The following LIN28B variants were observed in gnomAD, a reference collection of about 807,000 sequenced individuals.
LIN28B encodes protein lin-28 homolog B.
LIN28B carries 5 observed loss-of-function variants against 21.9 expected under a neutral mutation model. The observed-to-expected ratio is 0.23, with a 90% CI of 0.12 to 0.48. The LOEUF (loss-of-function observed/expected upper bound fraction) is 0.48, where lower values mean the gene tolerates loss of function less well. LIN28B is among the 20% of genes least tolerant of loss of function. The probability of loss-of-function intolerance (pLI) is 0.98; values close to 1 mark genes in which losing one functional copy is unlikely to be tolerated. For missense variants in LIN28B, 245 were observed against 310.5 expected (o/e 0.79, Z 1.58); for synonymous variants, 109 against 111.3 (o/e 0.98, Z 0.13).
chr6:104,965,439 C>A (rs1168411128), intron 2 of LIN28B, among the ~76,000 whole-genome samples: 1 of 152,190 alleles, frequency 6.6e-6, no homozygotes, highest in Non-Finnish European at 1.5e-5. Flanking sequence ...AGGATCACTT[C>A]TTGAGCCCAG....
intron 2 of LIN28B, among the ~76,000 whole-genome samples, chr6:104,986,532 C>CA (rs71003463): frequency 0.18 from 25,581 of 139,600 alleles, 2,376 homozygotes; most frequent in East Asian, 0.25. Context: ...TCATTTCTAC[C>CA]AAAAAAAAAA....
chr6:105,025,726 TAGTG>T (rs1406078202), intron 2 of LIN28B, among the ~76,000 whole-genome samples: 3 of 152,016 alleles, frequency 2.0e-5, no homozygotes, highest in Non-Finnish European at 2.9e-5. Flanking sequence ...TTGGGCAACA[TAGTG>T]AGTCCCATAT....
At chr6:104,960,234 T>C (rs1288074857) in intron 2 of LIN28B, among the ~76,000 whole-genome samples, 1 of 151,904 alleles carries the variant, frequency 6.6e-6, no homozygotes, top group Non-Finnish European at 1.5e-5. Flanking sequence ...ACATAAATTG[T>C]ATATAAATTG....
intron 3 of LIN28B, among the ~76,000 whole-genome samples, chr6:105,032,941 G>A (rs9322827): frequency 0.11 from 15,990 of 151,798 alleles, 876 homozygotes; most frequent in African/African-American, 0.14. Flanking sequence ...CTTTGTGTAA[G>A]TTTTTTTTGC....
At chr6:105,065,779 C>T (rs968528682) in intron 3 of LIN28B, among the ~76,000 whole-genome samples, 3 of 152,188 alleles carry the variant, frequency 2.0e-5, no homozygotes, top group Admixed American at 6.5e-5. Context: ...TCTAAGACCA[C>T]TGGCCCTCTA....
intron 3 of LIN28B, among the ~76,000 whole-genome samples, chr6:105,076,184 T>C (rs1772421259): frequency 1.3e-5 from 2 of 152,206 alleles, no homozygotes; most frequent in African/African-American, 4.8e-5. Context: ...TATTAAGATA[T>C]GTAATTATAC....
chr6:104,959,627 CA>C (rs887255946), intron 2 of LIN28B, among the ~76,000 whole-genome samples: 1 of 152,170 alleles, frequency 6.6e-6, no homozygotes, highest in African/African-American at 2.4e-5. Flanking sequence ...TGAATTGAAA[CA>C]GGGTTTAAGT....
chr6:104,997,274 C>G (rs1399514346), intron 2 of LIN28B, among the ~76,000 whole-genome samples: 5 of 144,556 alleles, frequency 3.5e-5, no homozygotes, highest in Non-Finnish European at 6.0e-5. Flanking sequence ...GAACGAGACT[C>G]CGTCTCAAAA....
intron 3 of LIN28B, among the ~76,000 whole-genome samples, chr6:104,951,624 A>G (rs1383230006): frequency 2.6e-5 from 4 of 152,102 alleles, no homozygotes; most frequent in African/African-American, 4.8e-5. Flanking sequence ...GTTAACACCA[A>G]TGTGTTAAGT....
chr6:104,970,373 TTC>T (rs1435559555), intron 2 of LIN28B, among the ~76,000 whole-genome samples: 2 of 152,324 alleles, frequency 1.3e-5, no homozygotes, highest in East Asian at 3.9e-4. Flanking sequence ...AAAGAAAACT[TTC>T]TCTTTTATTG....
chr6:104,953,812 C>T (rs982231486), upstream of LIN28B, among the ~76,000 whole-genome samples: 3 of 151,970 alleles, frequency 2.0e-5, no homozygotes, highest in African/African-American at 7.3e-5. Flanking sequence ...GAGGAGAGGA[C>T]GGGTGGAGTC....
intron 3 of LIN28B, among the ~76,000 whole-genome samples, chr6:105,067,619 A>G (rs1409357737): frequency 6.6e-6 from 1 of 150,622 alleles, no homozygotes; most frequent in Admixed American, 6.6e-5. Context: ...TCTGTCTGAG[A>G]TGTTGTTTAT....
intron 3 of LIN28B, among the ~76,000 whole-genome samples, chr6:105,044,817 T>A (rs568701651): frequency 2.6e-5 from 4 of 152,270 alleles, no homozygotes; most frequent in Non-Finnish European, 4.4e-5. Flanking sequence ...CTAGTGCACG[T>A]TCTACCCAAT....
At chr6:105,048,970 C>A (rs1243351209) in intron 3 of LIN28B, among the ~76,000 whole-genome samples, 2 of 152,068 alleles carry the variant, frequency 1.3e-5, no homozygotes, top group Non-Finnish European at 2.9e-5. Context: ...AAAACAAGCT[C>A]CTGGATTCAT....
At chr6:105,040,609 A>G (rs1298555900) in intron 3 of LIN28B, among the ~76,000 whole-genome samples, 3 of 151,504 alleles carry the variant, frequency 2.0e-5, no homozygotes, top group Non-Finnish European at 4.4e-5. Context: ...TAGGTGTTCA[A>G]AAAAAATTCT....
chr6:105,052,995 CAT>C (rs1161868121), intron 3 of LIN28B, among the ~76,000 whole-genome samples: 3 of 152,018 alleles, frequency 2.0e-5, no homozygotes, highest in Non-Finnish European at 4.4e-5. Flanking sequence ...TCTTTTCTAA[CAT>C]AAACAGATAA....
In LIN28B at chr6:105,058,466, A is replaced by G. The variant is rs554242243; in HGVS notation, c.384-19948A>G. ...CTTTGTTTTCTAACTCCTCTGCTGC[A>G]TCAACCAGTTTACAAGATGAAAGCT... On this transcript the variant is annotated intron_variant, in intron 3 of 3. Coordinates refer to ENST00000345080, the MANE Select transcript of LIN28B (RefSeq NM_001004317.4). Among the ~76,000 whole-genome samples the G allele has an allele frequency of 1.1e-3, 174 of 152,324 alleles. 1 individual carries two copies. Among genetic ancestry groups the G allele is most frequent in the African/African-American group, 4.1e-3 (169 of 41,570 alleles).
intron 2 of LIN28B, among the ~76,000 whole-genome samples, chr6:104,998,563 A>G (rs1177529624): frequency 3.9e-5 from 6 of 152,144 alleles, no homozygotes; most frequent in African/African-American, 9.6e-5. Context: ...ACAACTGCCT[A>G]TATAAAAAAT....
intron 3 of LIN28B, among the ~76,000 whole-genome samples, chr6:105,061,251 C>T (rs896326167): frequency 6.6e-6 from 1 of 152,082 alleles, no homozygotes; most frequent in Non-Finnish European, 1.5e-5. Flanking sequence ...AATATTTAGA[C>T]AGTGAACTAC....
Sources: allele counts gnomAD v4.1 joint callset (sites outside exome capture counted in the v4.1 genomes callset), GRCh38; gene constraint gnomAD v4.1.1; transcripts MANE v1.5; gene names NCBI Gene and HGNC (gene_info 2026-07-23, HGNC 2026-07-21).